Variants in PLCB1 observed in about 807,000 individuals in gnomAD.
PLCB1 encodes the protein phospholipase C beta 1.
PLCB1 carries 46 observed loss-of-function variants against 161.8 expected under a neutral mutation model. That is an observed-to-expected ratio of 0.28 (90% CI 0.22 to 0.36). The LOEUF is 0.36. PLCB1 is among the 10% of genes least tolerant of loss of function. The probability of loss-of-function intolerance (pLI) is 1.00; values close to 1 mark genes in which losing one functional copy is unlikely to be tolerated. For synonymous variants in PLCB1, 517 were observed against 503.7 expected, an observed-to-expected ratio of 1.03 and a Z score of -0.35; for missense variants, 1,016 against 1,472.5, an observed-to-expected ratio of 0.69 and a Z score of 5.07.
chr20:8,285,828 T>G (rs1009299297), intron 2 of PLCB1, among the ~76,000 whole-genome samples: 1 of 152,194 alleles, frequency 6.6e-6, no homozygotes, highest in Non-Finnish European at 1.5e-5. Context: ...AATCATGCTG[T>G]GTTTATTTCT....
At chr20:8,672,858 T>A (rs1989983312) in intron 9 of PLCB1, among the ~76,000 whole-genome samples, 1 of 152,018 alleles carries the variant, frequency 6.6e-6, no homozygotes, top group East Asian at 1.9e-4. Flanking sequence ...ACATCTGTAA[T>A]CCCAGCACTT....
At chr20:8,263,113 A>C (rs6055700) in intron 2 of PLCB1, among the ~76,000 whole-genome samples, 3,703 of 152,232 alleles carry the variant, frequency 0.024, 140 homozygotes, top group African/African-American at 0.084. Flanking sequence ...CAACTTACTT[A>C]ACCTCTCTAA....
chr20:8,717,512 A>G (rs1259056657), intron 13 of PLCB1, among the ~76,000 whole-genome samples, 159 bp from the exon 14 acceptor site: 2 of 152,208 alleles, frequency 1.3e-5, no homozygotes, highest in Non-Finnish European at 2.9e-5. Context: ...ATAAAAAAAA[A>G]TTAGCTCCCA....
chr20:8,810,104 C>A (rs547693968), intron 31 of PLCB1, among the ~76,000 whole-genome samples: 6 of 152,244 alleles, frequency 3.9e-5, no homozygotes, highest in Non-Finnish European at 8.8e-5. Flanking sequence ...CTGTAGGAAA[C>A]ATTTCTCTCC....
At chr20:8,376,694 T>C (rs571558160) in intron 3 of PLCB1, among the ~76,000 whole-genome samples, 52 of 152,236 alleles carry the variant, frequency 3.4e-4, no homozygotes, top group East Asian at 9.7e-4. Flanking sequence ...TTTGGGTGGC[T>C]GAGGCGGGCG....
At chr20:8,649,811 T>C (rs1026930378) in intron 7 of PLCB1, 6 of 220,716 alleles carry the variant, frequency 2.7e-5, no homozygotes, top group African/African-American at 1.3e-4. Flanking sequence ...CTATATATTA[T>C]ACAGTTTCAA....
intron 31 of PLCB1, among the ~76,000 whole-genome samples, chr20:8,860,670 T>A (rs886705193): frequency 6.6e-6 from 1 of 152,224 alleles, no homozygotes; most frequent in African/African-American, 2.4e-5. Context: ...GCTGGCTGAA[T>A]CAGGAGAGAC....
intron 3 of PLCB1, among the ~76,000 whole-genome samples, chr20:8,386,211 A>AT (rs1987421518): frequency 6.6e-6 from 1 of 152,176 alleles, no homozygotes; most frequent in South Asian, 2.1e-4. Context: ...AAGGTTTTAA[A>AT]TTTACTTAGC....
intron 31 of PLCB1, among the ~76,000 whole-genome samples, chr20:8,848,659 G>A (rs6056205): frequency 0.051 from 7,737 of 152,304 alleles, 355 homozygotes; most frequent in African/African-American, 0.12. Context: ...TGTGTACTAA[G>A]CTACTCACCT....
At chr20:8,366,105 T>C (rs1354753122) in intron 2 of PLCB1, among the ~76,000 whole-genome samples, 1 of 152,168 alleles carries the variant, frequency 6.6e-6, no homozygotes, top group African/African-American at 2.4e-5. Context: ...ATTCAAAATA[T>C]TTTTGTTAAA....
At chr20:8,698,862 AT>A (rs1200526883) in intron 11 of PLCB1, among the ~76,000 whole-genome samples, 1 of 152,190 alleles carries the variant, frequency 6.6e-6, no homozygotes, top group Non-Finnish European at 1.5e-5. Context: ...TTAGTGAGAA[AT>A]GAGGTGCATT....
intron 3 of PLCB1, among the ~76,000 whole-genome samples, chr20:8,482,300 C>A (rs972143567): frequency 6.6e-5 from 10 of 151,832 alleles, no homozygotes; most frequent in African/African-American, 2.4e-4. Context: ...GACGGGGTTT[C>A]ACCACGTTGG....
Position 8,132,524 on chromosome 20 carries a change from C to T in PLCB1, c.-128C>T, listed in dbSNP as rs1341574853. 2 of 475,374 alleles carry T rather than the reference C, an allele frequency of 4.2e-6. No individual in the cohort carries two copies. The highest frequency in any genetic ancestry group is 7.7e-5 in the East Asian group (2 of 26,138). 29.4% of individuals were successfully genotyped at this position (475,374 alleles called of 1,614,324 possible). On this transcript the variant is annotated 5_prime_UTR_variant, in exon 1 of 32. Transcript: ENST00000338037. This position sits in a 1 kb window ranked among gnomAD's most constrained non-coding sequence, Gnocchi z 5.2. ...GCGGAGGCCGGGAGGCCGGGGAGGC[C>T]GGCGGGGAGCAGAGTCGAGCGCCTC... is the stretch of plus-strand genomic sequence containing the variant.
Position 8,139,181 on chromosome 20 carries a change from G to A in PLCB1, c.99+6431G>A, listed in dbSNP as rs559445738. 3.2e-3 allele frequency among the ~76,000 whole-genome samples: 473 copies of A among 146,760 alleles called. 1 individual carries two copies. The highest frequency in any genetic ancestry group is 0.011 in the African/African-American group (448 of 39,936). On this transcript the variant is annotated intron_variant, in intron 1 of 31. Transcript: ENST00000338037. ...GGCTCACTGCCAACCTCTGCAGCCGGGTTCAAGCTATTCTCGTGCCTCAGC... is the reference window on the plus strand; with the variant it reads ...GGCTCACTGCCAACCTCTGCAGCCGAGTTCAAGCTATTCTCGTGCCTCAGC...
intron 3 of PLCB1, among the ~76,000 whole-genome samples, chr20:8,545,991 G>A (rs1171938025): frequency 6.6e-6 from 1 of 152,126 alleles, no homozygotes; most frequent in Non-Finnish European, 1.5e-5. Context: ...TGCCATCATT[G>A]CAAAAATCTA....
intron 2 of PLCB1, among the ~76,000 whole-genome samples, chr20:8,338,167 T>C (rs916652410): frequency 8.5e-5 from 13 of 152,180 alleles, no homozygotes; most frequent in African/African-American, 2.9e-4. Context: ...TACCTTAATT[T>C]ATTAAATTTT....
In PLCB1 at chr20:8,235,103, C is replaced by T. The variant is rs576264561; in HGVS notation, c.177+84732C>T. On this transcript the variant is annotated intron_variant, in intron 2 of 31. Coordinates refer to ENST00000338037, the MANE Select transcript of PLCB1 (RefSeq NM_015192.4). The stretch of plus-strand genomic sequence containing the variant: ...CTTCTGGGTTAAACTGTTTATTGGA[C>T]ATTTCTGAATATATGCACCATATGT... 5.5e-4 allele frequency among the ~76,000 whole-genome samples: 83 copies of T among 152,210 alleles called. 1 individual carries two copies. In the South Asian group the frequency reaches 7.7e-3, roughly 14 times the overall value.
At position 8,737,040 on chromosome 20, in the gene PLCB1, C is replaced by A; in HGVS notation, c.2056C>A (p.Gln686Lys). ...ATTGATTTTCTAGATTATTTCAGGT[C>A]AGTTTCTTTCTGATAAGAAAGTTGG... ...NTLSVKIISG[Q>K]FLSDKKVGTY... Residue 686 changes from glutamine (Q) to lysine (K), a missense_variant, in exon 20 of 32, where the codon CAG (glutamine) becomes AAG (lysine). Gln to Lys is a moderately conservative substitution (Grantham distance 53, BLOSUM62 1). Coordinates refer to ENST00000338037, the MANE Select transcript of PLCB1 (RefSeq NM_015192.4). The A allele has an allele frequency of 6.2e-7, 1 of 1,610,560 alleles. No homozygotes were observed.
chr20:8,287,554 T>C (rs529738367), intron 2 of PLCB1, among the ~76,000 whole-genome samples: 1 of 152,128 alleles, frequency 6.6e-6, no homozygotes, highest in Non-Finnish European at 1.5e-5. Context: ...TCAGTACCAG[T>C]CCCCTGGGAG....
Sources: allele counts gnomAD v4.1 joint callset (sites outside exome capture counted in the v4.1 genomes callset), GRCh38; gene constraint gnomAD v4.1.1; non-coding constraint Gnocchi (gnomAD v3.1); transcripts MANE v1.5; gene names NCBI Gene and HGNC (gene_info 2026-07-23, HGNC 2026-07-21).